Variants in STK17A observed in about 807,000 individuals in gnomAD.
The protein encoded by STK17A is serine/threonine kinase 17a, also known as serine/threonine-protein kinase 17A.
In STK17A, 26 loss-of-function variants were observed where a neutral mutation model predicts 43.7. That is an observed-to-expected ratio of 0.60 (90% CI 0.44 to 0.83). The LOEUF is 0.83. Among genes scored for constraint, STK17A ranks in the 40% least tolerant of loss-of-function variants. The pLI is 0.00. For synonymous variants in STK17A, 191 were observed against 182.5 expected (o/e 1.05, Z -0.38); for missense variants, 476 against 511.6 (o/e 0.93, Z 0.67).
At chr7:43,621,677 GC>G (rs1385377372) in intron 4 of STK17A, among the ~76,000 whole-genome samples, 14 of 152,028 alleles carry the variant, frequency 9.2e-5, no homozygotes, top group African/African-American at 3.4e-4. Context: ...TCACTGTGTT[GC>G]CCAGGCTAGT....
chr7:43,620,591 G>A (rs985587839), intron 4 of STK17A, among the ~76,000 whole-genome samples: 2 of 151,658 alleles, frequency 1.3e-5, no homozygotes, highest in Non-Finnish European at 2.9e-5. Context: ...GGAGAATGGC[G>A]TGAACCTGGG....
At chr7:43,613,391 A>G (rs2152986936) in intron 3 of STK17A, among the ~76,000 whole-genome samples, 1 of 152,354 alleles carries the variant, frequency 6.6e-6, no homozygotes, top group Non-Finnish European at 1.5e-5. Flanking sequence ...TGCTTAGGTT[A>G]TATGCAAATA....
chr7:43,608,543 C>CCTG, intron 3 of STK17A, 143 bp downstream of exon 3: 1 of 903,624 alleles, frequency 1.1e-6, no homozygotes, highest in South Asian at 1.8e-5. Flanking sequence ...TACTCCTATC[C>CCTG]TCTAGCCAGT....
At chr7:43,589,021 T>C (rs754512437) in intron 1 of STK17A, among the ~76,000 whole-genome samples, 2 of 151,408 alleles carry the variant, frequency 1.3e-5, no homozygotes, top group Non-Finnish European at 3.0e-5. Flanking sequence ...TCAGTTGGGC[T>C]GTAAAGAATG....
chr7:43,619,768 C>T, intron 4 of STK17A, 45 bp downstream of exon 4: 1 of 1,600,068 alleles, frequency 6.2e-7, no homozygotes, highest in Non-Finnish European at 8.5e-7. Context: ...CAGGCATCAC[C>T]TTCATTAGGG....
At chr7:43,615,174 T>TTTTG (rs376400960) in intron 3 of STK17A, among the ~76,000 whole-genome samples, 19 of 152,090 alleles carry the variant, frequency 1.2e-4, no homozygotes, top group Admixed American at 3.9e-4. Context: ...TTGTTTTGTT[T>TTTTG]TTTGTTTGTT....
Position 43,624,832 on chromosome 7 carries a change from T to G in STK17A, c.1235T>G (p.Phe412Cys), listed in dbSNP as rs2084324736. 1 of 1,599,976 alleles carries G rather than the reference T, an allele frequency of 6.3e-7. No homozygotes were observed. The highest frequency in any genetic ancestry group is 8.5e-7 in the Non-Finnish European group (1 of 1,172,956). ...TTGCTACAAGAAATTCCAGGAGAAT[T>G]TATCTACTGAGCAATATTTCCCTTT... ...EPLLQEIPGE[F>C]IY The change falls in exon 7 of 7, where the codon TTT becomes TGT. Residue 412 changes from phenylalanine (F) to cysteine (C), a missense_variant. Phe to Cys is a radical substitution (Grantham distance 205, BLOSUM62 -2). This residue lies in a region of STK17A where 110 missense variants were observed against 103.7 expected (regional missense o/e 1.06). Coordinates refer to ENST00000319357, the MANE Select transcript of STK17A (RefSeq NM_004760.3).
At chr7:43,594,875 T>TAAA (rs199560986) in intron 1 of STK17A, among the ~76,000 whole-genome samples, 3,973 of 107,232 alleles carry the variant, frequency 0.037, 76 homozygotes, top group Non-Finnish European at 0.06. Context: ...CCCAGTCTCT[T>TAAA]AAAAAAAAAA....
At position 43,605,403 on chromosome 7, in the gene STK17A, G is replaced by A. The variant is rs542879467; in HGVS notation, c.420-2853G>A. Among the ~76,000 whole-genome samples, 180 of 152,242 alleles carry A rather than the reference G, an allele frequency of 1.2e-3. 1 individual carries two copies. The Middle Eastern group carries it at 0.017, about 14-fold the overall frequency. ...ATGGCCCTCCCAAAGAAGTCTGTTC[G>A]TTGCCCCAGTGTTTAGAGTGGCTTT... On this transcript the variant is annotated intron_variant, in intron 2 of 6. Transcript: ENST00000319357.
chr7:43,623,432 T>A, intron 4 of STK17A, 140 bp from the exon 5 acceptor site: 3 of 674,170 alleles, frequency 4.4e-6, no homozygotes, highest in Non-Finnish European at 5.0e-6. Flanking sequence ...TTAATTCATA[T>A]TAATTTATGG....
At chr7:43,610,283 C>T (rs1163704736) in intron 3 of STK17A, among the ~76,000 whole-genome samples, 1 of 134,798 alleles carries the variant, frequency 7.4e-6, no homozygotes, top group Non-Finnish European at 1.5e-5. Flanking sequence ...GGAGGTGGAG[C>T]TTGCAGTGAG....
chr7:43,611,884 C>A (rs1583603008), intron 3 of STK17A, among the ~76,000 whole-genome samples: 2 of 152,206 alleles, frequency 1.3e-5, no homozygotes, highest in Non-Finnish European at 2.9e-5. Flanking sequence ...CAGCTTATGA[C>A]AGTTGAACCT....
At chr7:43,587,000 A>G (rs1201188943) in intron 1 of STK17A, among the ~76,000 whole-genome samples, 1 of 151,400 alleles carries the variant, frequency 6.6e-6, no homozygotes, top group African/African-American at 2.4e-5. Flanking sequence ...CAGATTTAAA[A>G]GTCTTGTGAG....
chr7:43,615,431 CCT>C (rs2083257320), intron 3 of STK17A, among the ~76,000 whole-genome samples: 1 of 152,142 alleles, frequency 6.6e-6, no homozygotes, highest in South Asian at 2.1e-4. Context: ...CTCACCTCGG[CCT>C]CCCAAATTGC....
intron 6 of STK17A, 53 bp downstream of exon 6, chr7:43,623,941 T>C (rs964860402): frequency 1.6e-6 from 2 of 1,258,674 alleles, no homozygotes; most frequent in Non-Finnish European, 1.0e-6. Context: ...ATTAAAAAAT[T>C]CAGTATTAAA....
intron 2 of STK17A, 134 bp from the exon 3 acceptor site, chr7:43,608,122 T>A (rs2082627357): frequency 2.2e-6 from 2 of 909,828 alleles, no homozygotes; most frequent in Non-Finnish European, 3.2e-6. Context: ...TCTCTATTTT[T>A]CAAAATAAAA....
intron 2 of STK17A, among the ~76,000 whole-genome samples, chr7:43,608,021 C>G (rs929078920): frequency 7.2e-5 from 11 of 152,166 alleles, no homozygotes; most frequent in African/African-American, 2.4e-4. Context: ...AAGGCTTATA[C>G]GTGTAATCCC....
intron 2 of STK17A, 132 bp downstream of exon 2, chr7:43,596,245 T>G: frequency 5.4e-6 from 4 of 737,368 alleles, no homozygotes; most frequent in African/African-American, 1.8e-5. Context: ...CATCTTCAGG[T>G]GTTCCTCTTA....
At position 43,596,114 on chromosome 7, in the gene STK17A, G is replaced by A; in HGVS notation, c.419+1G>A. ...CAGAAATGATCTTAGTTCTGGAATAGTAAGTATTGTCTTTCTTAGATTAAG... is the reference window on the plus strand; with the variant it reads ...CAGAAATGATCTTAGTTCTGGAATAATAAGTATTGTCTTTCTTAGATTAAG... On this transcript the variant is annotated splice_donor_variant, in intron 2 of 6. Transcript: ENST00000319357. LOFTEE classifies it high-confidence loss of function. 6.2e-7 allele frequency: 1 copy of A among 1,605,684 alleles called. No individual in the cohort carries two copies.
Sources: allele counts gnomAD v4.1 joint callset (sites outside exome capture counted in the v4.1 genomes callset), GRCh38; gene constraint gnomAD v4.1.1; regional missense constraint gnomAD v4.1.1; transcripts MANE v1.5; gene names NCBI Gene and HGNC (gene_info 2026-07-23, HGNC 2026-07-21).